The following ARHGAP26 variants were observed in gnomAD, a reference collection of about 807,000 sequenced individuals.
ARHGAP26 encodes the protein Rho GTPase activating protein 26, also known as rho GTPase-activating protein 26.
In ARHGAP26, 38 loss-of-function variants were observed where a neutral mutation model predicts 104.8. The observed-to-expected ratio is 0.36, with a 90% confidence interval of 0.28 to 0.48. The LOEUF (loss-of-function observed/expected upper bound fraction) is 0.48, where lower values mean the gene tolerates loss of function less well. ARHGAP26 is among the 20% of genes least tolerant of loss of function. The pLI, the probability that ARHGAP26 is intolerant of heterozygous loss-of-function variation, is 0.99. For synonymous variants in ARHGAP26, 341 were observed against 340.0 expected, an observed-to-expected ratio of 1.00 and a Z score of -0.03; for missense variants, 704 against 947.9, an observed-to-expected ratio of 0.74 and a Z score of 3.38.
At chr5:143,128,626 A>G (rs1205071319) in intron 18 of ARHGAP26, among the ~76,000 whole-genome samples, 4 of 152,214 alleles carry the variant, frequency 2.6e-5, no homozygotes, top group African/African-American at 9.7e-5. Flanking sequence ...TGCTGGGTTT[A>G]TGGCTTCTCT....
chr5:142,830,917 G>A (rs1206515724), intron 1 of ARHGAP26, among the ~76,000 whole-genome samples: 1 of 152,198 alleles, frequency 6.6e-6, no homozygotes, highest in Non-Finnish European at 1.5e-5. Flanking sequence ...ATATGTATGA[G>A]AGGTATGTTT....
intron 14 of ARHGAP26, among the ~76,000 whole-genome samples, chr5:143,046,363 A>G (rs1232280687): frequency 1.3e-5 from 2 of 152,158 alleles, no homozygotes; most frequent in African/African-American, 2.4e-5. Flanking sequence ...CTTCGAGTTT[A>G]TTTTTTTGTA....
rs78270877 is a variant in ARHGAP26, at chr5:142,905,789, A to C, written c.833-1915A>C. On this transcript the variant is annotated intron_variant, in intron 8 of 22. Coordinates refer to ENST00000645722, the MANE Select transcript of ARHGAP26 (RefSeq NM_001135608.3). The stretch of plus-strand genomic sequence containing the variant: ...CAATTGAACTCTTGCCATTAAAAGT[A>C]ATGGCTAAAATCGCAATTGAACTCT... 7.2e-3 allele frequency among the ~76,000 whole-genome samples: 1,096 copies of C among 152,342 alleles called. 18 individuals carry two copies. Among genetic ancestry groups the C allele is most frequent in the African/African-American group, 0.026 (1,063 of 41,574 alleles).
rs893480880 is a variant in ARHGAP26 at position 142,770,736 on chromosome 5, C to G, written c.-26C>G. The G allele has an allele frequency of 4.7e-6, 6 of 1,278,840 alleles. No homozygotes were observed. The South Asian group carries it at 1.2e-4, about 26-fold the overall frequency. 79.2% of individuals were successfully genotyped at this position (1,278,840 alleles called of 1,614,324 possible). ...CGGCCCGGGCCCCGGCGGAGGCGCGCCCCCCGGCTGGGCGCCGCGCGCACC... is the reference window on the plus strand; with the variant it reads ...CGGCCCGGGCCCCGGCGGAGGCGCGGCCCCCGGCTGGGCGCCGCGCGCACC... On this transcript the variant is annotated 5_prime_UTR_variant, in exon 1 of 23. Transcript: ENST00000645722.
intron 20 of ARHGAP26, among the ~76,000 whole-genome samples, chr5:143,206,836 C>T (rs894461262): frequency 1.4e-4 from 22 of 152,222 alleles, no homozygotes; most frequent in African/African-American, 5.3e-4. Context: ...GCTGAAGGCT[C>T]GCTATAAGCT....
chr5:142,947,033 G>A (rs1231201612), intron 11 of ARHGAP26: 2 of 146,560 alleles, frequency 1.4e-5, no homozygotes, highest in African/African-American at 5.1e-5. Flanking sequence ...CGCTCTGTGT[G>A]GTCTTGACCC....
At chr5:143,073,230 A>T (rs1562372382) in intron 17 of ARHGAP26, among the ~76,000 whole-genome samples, 1 of 152,190 alleles carries the variant, frequency 6.6e-6, no homozygotes, top group Admixed American at 6.5e-5. Context: ...CTCATTTTTT[A>T]AAAAAGTTTA....
intron 11 of ARHGAP26, among the ~76,000 whole-genome samples, chr5:142,983,565 T>C (rs1246832317): frequency 1.3e-5 from 2 of 152,214 alleles, no homozygotes; most frequent in African/African-American, 4.8e-5. Flanking sequence ...TCCCAAAGTC[T>C]ATAGAACATA....
At chr5:142,844,132 A>G (rs1337854541) in intron 1 of ARHGAP26, among the ~76,000 whole-genome samples, 3 of 149,810 alleles carry the variant, frequency 2.0e-5, no homozygotes, top group African/African-American at 5.0e-5. Context: ...GCTCACTGCA[A>G]CCTCCACTTC....
intron 17 of ARHGAP26, among the ~76,000 whole-genome samples, chr5:143,067,198 C>T (rs1006191232): frequency 2.6e-5 from 4 of 152,152 alleles, no homozygotes; most frequent in African/African-American, 9.6e-5. Flanking sequence ...TTCCACTCAT[C>T]TTTGTGATCT....
At chr5:142,908,397 A>G (rs763837003) in intron 9 of ARHGAP26, among the ~76,000 whole-genome samples, 4 of 152,230 alleles carry the variant, frequency 2.6e-5, no homozygotes, top group African/African-American at 7.2e-5. Context: ...CTGGCCAGAT[A>G]CAGCTGTCAT....
chr5:142,959,721 A>C (rs1370795523), intron 11 of ARHGAP26, among the ~76,000 whole-genome samples: 1 of 152,214 alleles, frequency 6.6e-6, no homozygotes, highest in South Asian at 2.1e-4. Flanking sequence ...GCCCATCTGG[A>C]TATCTCTGTA....
chr5:143,035,634 C>T (rs192548512), intron 12 of ARHGAP26, among the ~76,000 whole-genome samples: 49 of 152,208 alleles, frequency 3.2e-4, no homozygotes, highest in African/African-American at 1.2e-3. Context: ...CAAGTCACCA[C>T]TAAGGAACTT....
chr5:143,031,099 TGTGCTGGG>T (rs1781773920), intron 12 of ARHGAP26, among the ~76,000 whole-genome samples: 3 of 152,246 alleles, frequency 2.0e-5, no homozygotes, highest in Non-Finnish European at 2.9e-5. Context: ...ATCCACAGTC[TGTGCTGGG>T]GAGAAAGCAT....
At position 143,014,135 on chromosome 5, in the gene ARHGAP26, T is replaced by C. The variant is rs1255739869; in HGVS notation, c.1144+19T>C. On this transcript the variant is annotated intron_variant, in intron 12 of 22. Coordinates refer to ENST00000645722, the MANE Select transcript of ARHGAP26 (RefSeq NM_001135608.3). The stretch of plus-strand genomic sequence containing the variant: ...GAAGGGAGTAAGTACGATGCTTGGG[T>C]AACCTTCTACAGCCAGGGTTGGGAG... The C allele has an allele frequency of 6.2e-7, 1 of 1,613,968 alleles. No individual in the cohort carries two copies. The highest frequency in any genetic ancestry group is 8.5e-7 in the Non-Finnish European group (1 of 1,179,836).
chr5:143,167,093 A>G (rs1042856670), intron 20 of ARHGAP26, among the ~76,000 whole-genome samples: 2 of 152,150 alleles, frequency 1.3e-5, no homozygotes, highest in Non-Finnish European at 2.9e-5. Flanking sequence ...TGATTTTTAT[A>G]ATTTTCTCAC....
chr5:142,970,777 C>T (rs1772150704), intron 11 of ARHGAP26, among the ~76,000 whole-genome samples: 1 of 152,154 alleles, frequency 6.6e-6, no homozygotes, highest in Admixed American at 6.5e-5. Flanking sequence ...ACCACTACAG[C>T]AGTAATCTAC....
At chr5:142,955,126 C>CACCCACA (rs561605232) in intron 11 of ARHGAP26, among the ~76,000 whole-genome samples, 2 of 148,624 alleles carry the variant, frequency 1.3e-5, no homozygotes, top group East Asian at 2.0e-4. Flanking sequence ...ACACACACAC[C>CACCCACA]CCCCATCTCT....
intron 12 of ARHGAP26, chr5:143,014,419 G>A (rs998750904): frequency 2.6e-5 from 10 of 383,838 alleles, no homozygotes; most frequent in South Asian, 2.1e-4. Context: ...ACTATAGCTC[G>A]TCACCACTTA....
Sources: gnomAD v4.1 joint callset for allele counts (sites outside exome capture counted in the v4.1 genomes callset) on GRCh38, gnomAD v4.1.1 for gene constraint, MANE v1.5 for transcripts, NCBI Gene and HGNC (gene_info 2026-07-23, HGNC 2026-07-21) for gene names.